Variants in PXDNL observed in about 807,000 individuals in gnomAD.
PXDNL encodes the protein probable oxidoreductase PXDNL.
A neutral mutation model predicts 150.8 loss-of-function variants in PXDNL; 145 were observed. The ratio of observed to expected loss-of-function variants is 0.96; its 90% CI spans 0.84 to 1.10. The LOEUF is 1.10. PXDNL is among the 50% of genes least tolerant of loss of function. PXDNL has a pLI of 0.00. For synonymous variants in PXDNL, 757 were observed against 725.7 expected (o/e 1.04, Z -0.69); for missense variants, 2,087 against 1,873.9 (o/e 1.11, Z -2.10).
At chr8:51,787,779 A>G (rs914331629) in intron 1 of PXDNL, among the ~76,000 whole-genome samples, 4 of 152,262 alleles carry the variant, frequency 2.6e-5, no homozygotes, top group Non-Finnish European at 5.9e-5. Context: ...TCCAATTTTA[A>G]TAGTTCTACT....
chr8:51,403,142 T>G (rs1333347444), intron 17 of PXDNL, among the ~76,000 whole-genome samples: 1 of 151,588 alleles, frequency 6.6e-6, no homozygotes, highest in Non-Finnish European at 1.5e-5. Context: ...GTGTGATTCT[T>G]GAGAGCAAGA....
At chr8:51,416,777 A>G (rs988152278) in intron 14 of PXDNL, among the ~76,000 whole-genome samples, 2 of 152,254 alleles carry the variant, frequency 1.3e-5, no homozygotes, top group African/African-American at 2.4e-5. Context: ...TTGTATGCAA[A>G]TATTTTTTGA....
chr8:51,620,223 G>A (rs887926472), intron 2 of PXDNL, among the ~76,000 whole-genome samples: 3 of 152,076 alleles, frequency 2.0e-5, no homozygotes, highest in Non-Finnish European at 1.5e-5. Context: ...AATAGCCAAA[G>A]ACCAGATAAA....
rs777530935 is a variant in PXDNL, at chr8:51,473,482, G to T, written c.695-1178C>A. Among the ~76,000 whole-genome samples, 45 of 152,100 alleles carry T rather than the reference G, an allele frequency of 3.0e-4. 1 individual carries two copies. The highest frequency in any genetic ancestry group is 2.6e-3 in the Admixed American group (39 of 15,256). On this transcript the variant is annotated intron_variant, in intron 7 of 22. Coordinates refer to ENST00000356297, the MANE Select transcript of PXDNL (RefSeq NM_144651.5). Reference sequence around the variant, plus strand: ...TTTAAAAGGAGGACCATTAAAAGAAGTAGAATCAGAATATTGTAGGCAGGA... The same window carrying T: ...TTTAAAAGGAGGACCATTAAAAGAATTAGAATCAGAATATTGTAGGCAGGA...
chr8:51,629,765 C>T (rs972711528), intron 2 of PXDNL, among the ~76,000 whole-genome samples: 2 of 152,076 alleles, frequency 1.3e-5, no homozygotes, highest in Non-Finnish European at 2.9e-5. Context: ...AACAGAATGA[C>T]ATTTTAAAGT....
intron 3 of PXDNL, among the ~76,000 whole-genome samples, chr8:51,582,969 T>C (rs1037631492): frequency 2.0e-5 from 3 of 152,200 alleles, no homozygotes; most frequent in African/African-American, 7.2e-5. Flanking sequence ...TTTATAAATG[T>C]AGTGTTTCAT....
rs572910224 is a variant in PXDNL at position 51,391,458 on chromosome 8, A to G, written c.3557+16609T>C. ...TCTAACTGGTGTGAGATGGTATCTC[A>G]TTGTGGTTTTGATTTGCATTTCTCT... On this transcript the variant is annotated intron_variant, in intron 17 of 22. Transcript: ENST00000356297. 3.5e-3 allele frequency among the ~76,000 whole-genome samples: 536 copies of G among 152,108 alleles called. 3 individuals carry two copies. The highest frequency in any genetic ancestry group is 0.011 in the South Asian group (54 of 4,824).
chr8:51,404,286 T>C (rs997205427), intron 17 of PXDNL, among the ~76,000 whole-genome samples: 2 of 152,216 alleles, frequency 1.3e-5, no homozygotes, highest in African/African-American at 4.8e-5. Context: ...TTTATTCCCT[T>C]ATCTGGCTCC....
At chr8:51,416,661 A>G (rs1211671970) in intron 14 of PXDNL, among the ~76,000 whole-genome samples, 1 of 152,258 alleles carries the variant, frequency 6.6e-6, no homozygotes, top group African/African-American at 2.4e-5. Flanking sequence ...ATGATTATCA[A>G]TTGATACTGT....
intron 4 of PXDNL, among the ~76,000 whole-genome samples, chr8:51,503,821 G>A (rs1290040835): frequency 6.6e-6 from 1 of 152,150 alleles, no homozygotes; most frequent in Admixed American, 6.5e-5. Flanking sequence ...TCTCTATGCA[G>A]AAGACCTACA....
intron 1 of PXDNL, among the ~76,000 whole-genome samples, chr8:51,804,158 G>A (rs2037651230): frequency 6.6e-6 from 1 of 152,184 alleles, no homozygotes; most frequent in African/African-American, 2.4e-5. Flanking sequence ...TCTGGAAGGT[G>A]GGACAACTTG....
chr8:51,565,084 C>T (rs1248742683), intron 3 of PXDNL, among the ~76,000 whole-genome samples: 3 of 151,678 alleles, frequency 2.0e-5, no homozygotes, highest in African/African-American at 7.3e-5. Flanking sequence ...TTAAGCATCC[C>T]TAATCCAAAA....
intron 12 of PXDNL, among the ~76,000 whole-genome samples, chr8:51,435,246 G>A (rs941723915): frequency 3.3e-5 from 5 of 152,028 alleles, no homozygotes; most frequent in African/African-American, 1.2e-4. Flanking sequence ...ACTTGAACCC[G>A]GGAAGTGAAG....
intron 12 of PXDNL, among the ~76,000 whole-genome samples, chr8:51,428,558 T>C (rs907381564): frequency 2.0e-5 from 3 of 152,142 alleles, no homozygotes; most frequent in Non-Finnish European, 4.4e-5. Context: ...AGCCCAGTAA[T>C]AGACCCATAC....
At chr8:51,609,850 C>T (rs1340894783) in intron 2 of PXDNL, among the ~76,000 whole-genome samples, 8 of 152,170 alleles carry the variant, frequency 5.3e-5, no homozygotes, top group African/African-American at 1.9e-4. Flanking sequence ...AGAAGTGCTT[C>T]TGATATCACC....
chr8:51,387,516 C>T (rs1259296624), intron 17 of PXDNL, among the ~76,000 whole-genome samples: 1 of 152,110 alleles, frequency 6.6e-6, no homozygotes, highest in Non-Finnish European at 1.5e-5. Flanking sequence ...GTCACAGATG[C>T]AGTAGGGGAG....
rs748385658 is a variant in PXDNL at position 51,408,299 on chromosome 8, C to A, written c.3325G>T (p.Ala1109Ser). 9 of 1,613,842 alleles carry A rather than the reference C, an allele frequency of 5.6e-6. No homozygotes were observed. In the East Asian group the frequency reaches 8.9e-5, roughly 16 times the overall value. The stretch of plus-strand genomic sequence containing the variant: ...AGGTAGGAGGGTGCCCGCCATTTAG[C>A]AGCCACGCCAAACAGCCCCCGGAGA... ...PVLRGLFGVA[A>S]KWRAPSYLLS... The change falls in exon 17 of 23, where the codon GCT becomes TCT. Residue 1109 changes from alanine to serine, a missense_variant. Transcript: ENST00000356297.
At chr8:51,667,019 T>G (rs1815400497) in intron 1 of PXDNL, among the ~76,000 whole-genome samples, 1 of 152,134 alleles carries the variant, frequency 6.6e-6, no homozygotes, top group African/African-American at 2.4e-5. Context: ...CCCAGCCCAG[T>G]GCTTCCCACC....
chr8:51,617,917 T>C (rs987201224), intron 2 of PXDNL, among the ~76,000 whole-genome samples: 3 of 152,368 alleles, frequency 2.0e-5, no homozygotes, highest in South Asian at 4.1e-4. Context: ...CACACATGCA[T>C]GCAGGCGCAC....
Sources: gnomAD v4.1 joint callset for allele counts (sites outside exome capture counted in the v4.1 genomes callset) on GRCh38, gnomAD v4.1.1 for gene constraint, MANE v1.5 for transcripts, NCBI Gene and HGNC (gene_info 2026-07-23, HGNC 2026-07-21) for gene names.